The following FNDC3B variants were observed in gnomAD, a reference collection of about 807,000 sequenced individuals.
The protein encoded by FNDC3B is fibronectin type III domain-containing protein 3B.
A neutral mutation model predicts 151.5 loss-of-function variants in FNDC3B; 12 were observed. That is an observed-to-expected ratio of 0.08 (90% CI 0.05 to 0.13). FNDC3B has a LOEUF of 0.13. Among genes scored for constraint, FNDC3B ranks in the 10% least tolerant of loss-of-function variants. The pLI, the probability that FNDC3B is intolerant of heterozygous loss-of-function variation, is 1.00. For missense variants in FNDC3B, 1,214 were observed against 1,505.3 expected, an observed-to-expected ratio of 0.81 and a Z score of 3.20; for synonymous variants, 528 against 549.0, an observed-to-expected ratio of 0.96 and a Z score of 0.54.
chr3:172,295,277 C>G, intron 7 of FNDC3B, 86 bp from the exon 8 acceptor site: 1 of 1,284,102 alleles, frequency 7.8e-7, no homozygotes, highest in South Asian at 1.4e-5. Context: ...CTTGGATTAA[C>G]TGTGAGCCAG....
intron 2 of FNDC3B, among the ~76,000 whole-genome samples, chr3:172,131,162 C>T (rs1031352907): frequency 1.6e-4 from 24 of 152,144 alleles, no homozygotes; most frequent in African/African-American, 5.1e-4. Context: ...TTTGGGAGGC[C>T]GAGACGGACG....
At chr3:172,157,031 G>A (rs2108611373) in intron 3 of FNDC3B, among the ~76,000 whole-genome samples, 1 of 152,272 alleles carries the variant, frequency 6.6e-6, no homozygotes, top group African/African-American at 2.4e-5. Flanking sequence ...TAAGGGGATT[G>A]TGTAACTTAA....
chr3:172,295,511 A>G lies in FNDC3B; in HGVS notation c.998A>G (p.Tyr333Cys). The G allele has an allele frequency of 6.2e-7, 1 of 1,613,244 alleles. No homozygotes were observed. Among genetic ancestry groups the G allele is most frequent in the Non-Finnish European group, 8.5e-7 (1 of 1,179,598 alleles). The change falls in exon 8 of 26, where the codon TAC becomes TGC. Residue 333 changes from tyrosine to cysteine, a missense_variant. Around this residue, in one of 7 missense-constraint regions of FNDC3B, gnomAD observed 156 missense variants for 225.3 expected, o/e 0.69. Transcript: ENST00000415807. ...CGAGATGGAAAATACAAGATAATTT[A>G]CAGGTTGTGTATGTTTCTATTGTTT... ...KGRDGKYKII[Y>C]SGEELECNLK...
At chr3:172,300,339 G>A (rs1360930798) in intron 9 of FNDC3B, among the ~76,000 whole-genome samples, 1 of 152,156 alleles carries the variant, frequency 6.6e-6, no homozygotes, top group South Asian at 2.1e-4. Context: ...TATTGTTCCT[G>A]TGGTTAGTAA....
chr3:172,266,274 A>G (rs1728920304), intron 6 of FNDC3B, among the ~76,000 whole-genome samples: 1 of 152,192 alleles, frequency 6.6e-6, no homozygotes, highest in Non-Finnish European at 1.5e-5. Flanking sequence ...CAATGGAGGC[A>G]TACTTCTGAT....
chr3:172,116,408 A>C (rs1002056396), intron 2 of FNDC3B, among the ~76,000 whole-genome samples: 15 of 152,034 alleles, frequency 9.9e-5, no homozygotes, highest in African/African-American at 3.6e-4. Context: ...TAGAGGGATC[A>C]CTCCCTATTT....
At chr3:172,361,757 T>C (rs1024305425) in intron 22 of FNDC3B, among the ~76,000 whole-genome samples, 1 of 152,150 alleles carries the variant, frequency 6.6e-6, no homozygotes, top group Non-Finnish European at 1.5e-5. Flanking sequence ...AATTTTCTTT[T>C]AGTTCATTTT....
chr3:172,059,153 A>T (rs1717061120), intron 1 of FNDC3B, among the ~76,000 whole-genome samples: 1 of 152,230 alleles, frequency 6.6e-6, no homozygotes, highest in South Asian at 2.1e-4. Flanking sequence ...TAAGTGTAGT[A>T]CTAGTGTAAC....
intron 1 of FNDC3B, among the ~76,000 whole-genome samples, chr3:172,063,654 A>G (rs561851780): frequency 1.6e-4 from 24 of 152,306 alleles, no homozygotes; most frequent in Admixed American, 3.9e-4. Flanking sequence ...TTCAGATGCC[A>G]TTATTTTAGT....
intron 23 of FNDC3B, among the ~76,000 whole-genome samples, chr3:172,372,086 C>A (rs1040140962): frequency 6.6e-6 from 1 of 152,170 alleles, no homozygotes; most frequent in African/African-American, 2.4e-5. Flanking sequence ...AAACAACTTA[C>A]CTGGTTATAG....
At chr3:172,346,545 A>ATTTTTTT (rs55676402) in intron 20 of FNDC3B, 105 bp downstream of exon 20, 50 of 448,974 alleles carry the variant, frequency 1.1e-4, no homozygotes, top group East Asian at 6.6e-4. Flanking sequence ...CATATAGATG[A>ATTTTTTT]TTTTTTTTTT....
At chr3:172,089,181 A>C (rs886321851) in intron 1 of FNDC3B, among the ~76,000 whole-genome samples, 1 of 152,248 alleles carries the variant, frequency 6.6e-6, no homozygotes, top group Non-Finnish European at 1.5e-5. Flanking sequence ...TTAATTTGCA[A>C]AGTAAAAGTA....
intron 15 of FNDC3B, among the ~76,000 whole-genome samples, chr3:172,336,711 A>C (rs1174861776): frequency 6.6e-6 from 1 of 151,750 alleles, no homozygotes; most frequent in Non-Finnish European, 1.5e-5. Context: ...GACCAGCCTG[A>C]CTAACGTGGT....
At chr3:172,391,904 A>T (rs1259497115) in intron 25 of FNDC3B, among the ~76,000 whole-genome samples, 1 of 152,362 alleles carries the variant, frequency 6.6e-6, no homozygotes, top group Non-Finnish European at 1.5e-5. Context: ...AACAGTTTCC[A>T]AGAAAAGCAT....
At chr3:172,158,186 G>A (rs1424216922) in intron 3 of FNDC3B, among the ~76,000 whole-genome samples, 1 of 152,200 alleles carries the variant, frequency 6.6e-6, no homozygotes, top group Non-Finnish European at 1.5e-5. Flanking sequence ...ACAGCAGCCT[G>A]AATGGACTAA....
chr3:172,320,423 G>C (rs1483072794), intron 11 of FNDC3B, among the ~76,000 whole-genome samples: 2 of 152,046 alleles, frequency 1.3e-5, no homozygotes, highest in Non-Finnish European at 2.9e-5. Context: ...ACAGTGGAAA[G>C]ATACCACACA....
chr3:172,109,429 G>A (rs952226148), intron 1 of FNDC3B, among the ~76,000 whole-genome samples: 1 of 141,964 alleles, frequency 7.0e-6, no homozygotes, highest in Admixed American at 7.2e-5. Flanking sequence ...GCCTCCCAAA[G>A]TGCTGGGATT....
chr3:172,331,965 G>A (rs898390588), intron 13 of FNDC3B, among the ~76,000 whole-genome samples: 2 of 151,974 alleles, frequency 1.3e-5, no homozygotes, highest in Non-Finnish European at 2.9e-5. Context: ...TAGTATGGAG[G>A]GTTTGTGCTT....
intron 25 of FNDC3B, among the ~76,000 whole-genome samples, chr3:172,396,321 G>C (rs1240894058): frequency 6.6e-6 from 1 of 152,152 alleles, no homozygotes; most frequent in East Asian, 1.9e-4. Flanking sequence ...AGTCATTATA[G>C]TGTCTACCTC....
Sources: allele counts gnomAD v4.1 joint callset (sites outside exome capture counted in the v4.1 genomes callset), GRCh38; gene constraint gnomAD v4.1.1; regional missense constraint gnomAD v4.1.1; transcripts MANE v1.5; gene names NCBI Gene and HGNC (gene_info 2026-07-23, HGNC 2026-07-21).